CNBD1: variants seen among roughly 807,000 people sequenced by gnomAD.
CNBD1 encodes the protein cyclic nucleotide-binding domain-containing protein 1.
Under a neutral mutation model 54.4 loss-of-function variants are expected in CNBD1, and 71 were observed. The ratio of observed to expected loss-of-function variants is 1.30; its 90% CI spans 1.08 to 1.59. The LOEUF (loss-of-function observed/expected upper bound fraction) is 1.59. Among genes scored for constraint, CNBD1 ranks in the 40% most tolerant of loss-of-function variants. The probability of loss-of-function intolerance (pLI) is 0.00; values close to 1 mark genes in which losing one functional copy is unlikely to be tolerated. For missense variants in CNBD1, 659 were observed against 518.0 expected (o/e 1.27, Z -2.64); for synonymous variants, 182 against 170.7 (o/e 1.07, Z -0.51).
At chr8:87,358,761 A>T (rs1810470841) in intron 10 of CNBD1, among the ~76,000 whole-genome samples, 1 of 152,152 alleles carries the variant, frequency 6.6e-6, no homozygotes, top group Non-Finnish European at 1.5e-5. Flanking sequence ...TCCCAGTGTG[A>T]GGCCAAAGCC....
intron 4 of CNBD1, among the ~76,000 whole-genome samples, chr8:86,999,073 TATC>T (rs1231252822): frequency 6.6e-6 from 1 of 152,244 alleles, no homozygotes; most frequent in African/African-American, 2.4e-5. Flanking sequence ...ATGCCATTGA[TATC>T]ATCAACTTTC....
intron 5 of CNBD1, among the ~76,000 whole-genome samples, chr8:87,217,588 T>TA (rs11441946): frequency 7.2e-6 from 1 of 139,782 alleles, no homozygotes; most frequent in Non-Finnish European, 1.6e-5. Context: ...TTTTTTTTTT[T>TA]AAATAGCCAC....
chr8:87,033,124 C>A (rs56927643), intron 4 of CNBD1, among the ~76,000 whole-genome samples: 4,566 of 152,264 alleles, frequency 0.03, 237 homozygotes, highest in African/African-American at 0.1. Context: ...TTTTAAATAA[C>A]AATGATGGCA....
chr8:87,349,169 GTTAT>G (rs1171313274), intron 8 of CNBD1, among the ~76,000 whole-genome samples: 1 of 152,038 alleles, frequency 6.6e-6, no homozygotes, highest in African/African-American at 2.4e-5. Flanking sequence ...ATCATCGTAT[GTTAT>G]TTGTCATTTT....
At chr8:87,181,983 A>G (rs1197647684) in intron 4 of CNBD1, among the ~76,000 whole-genome samples, 1 of 152,010 alleles carries the variant, frequency 6.6e-6, no homozygotes, top group Non-Finnish European at 1.5e-5. Flanking sequence ...TGTACACATG[A>G]TTTTGTCACC....
At chr8:87,113,902 G>T (rs896449150) in intron 4 of CNBD1, among the ~76,000 whole-genome samples, 1 of 150,968 alleles carries the variant, frequency 6.6e-6, no homozygotes, top group Non-Finnish European at 1.5e-5. Context: ...ATGGGAGACA[G>T]TGAGACTCTG....
intron 4 of CNBD1, among the ~76,000 whole-genome samples, chr8:87,151,899 T>G (rs967345689): frequency 3.3e-5 from 5 of 152,134 alleles, no homozygotes; most frequent in Non-Finnish European, 5.9e-5. Context: ...ACCTTGATAA[T>G]TAGAAAATTT....
chr8:87,059,517 G>A (rs34273020), intron 4 of CNBD1, among the ~76,000 whole-genome samples: 5,652 of 152,266 alleles, frequency 0.037, 123 homozygotes, highest in Middle Eastern at 0.054. Flanking sequence ...GAGCTGGGGA[G>A]GCCTCAGGAA....
rs191074207 is a variant in CNBD1, at chr8:87,411,379, G to A, written c.214-17167G>A. Among the ~76,000 whole-genome samples the A allele has an allele frequency of 4.3e-3, 397 of 92,986 alleles. 3 individuals carry two copies. The highest frequency in any genetic ancestry group is 0.018 in the African/African-American group (379 of 20,894). 61.0% of individuals were successfully genotyped at this position (92,986 alleles called of 152,430 possible). ...GCTTTGCCCAAGCATTTCATAGGCA[G>A]GATTAACCTAGCTATATCATATATA... On this transcript the variant is annotated intron_variant, in intron 2 of 7. Coordinates refer to the CNBD1 transcript ENST00000521593.
chr8:87,409,793 C>T (rs867378635), intron 2 of CNBD1, among the ~76,000 whole-genome samples: 14 of 151,952 alleles, frequency 9.2e-5, no homozygotes, highest in East Asian at 5.8e-4. Context: ...GAGGCTGAAG[C>T]GGGAGGATTG....
chr8:87,199,890 A>T (rs1008818762), intron 4 of CNBD1, among the ~76,000 whole-genome samples: 11 of 152,114 alleles, frequency 7.2e-5, no homozygotes, highest in African/African-American at 2.7e-4. Flanking sequence ...AATGACCAAG[A>T]TGAAAACTAG....
intron 2 of CNBD1, among the ~76,000 whole-genome samples, chr8:87,424,541 G>C (rs1347628136): frequency 6.6e-6 from 1 of 152,196 alleles, no homozygotes; most frequent in East Asian, 1.9e-4. Context: ...GTACCCAGTA[G>C]TCATTCAGGA....
chr8:87,083,958 C>A (rs1811049359), intron 4 of CNBD1, among the ~76,000 whole-genome samples: 1 of 152,156 alleles, frequency 6.6e-6, no homozygotes, highest in South Asian at 2.1e-4. Context: ...AAACAACCTG[C>A]ATCCTGACCA....
At chr8:86,898,262 G>A (rs1220739902) in intron 2 of CNBD1, among the ~76,000 whole-genome samples, 1 of 152,136 alleles carries the variant, frequency 6.6e-6, no homozygotes, top group Non-Finnish European at 1.5e-5. Context: ...GGTTTTCTCT[G>A]AGGGTGGTGA....
chr8:87,165,423 C>G (rs2943163), intron 4 of CNBD1, among the ~76,000 whole-genome samples: 67,195 of 151,658 alleles, frequency 0.44, 15,376 homozygotes, highest in Non-Finnish European at 0.49. Flanking sequence ...GCTTTATATA[C>G]TTAGGTGTTC....
chr8:87,345,429 A>G (rs1314474162), intron 8 of CNBD1, among the ~76,000 whole-genome samples: 1 of 152,144 alleles, frequency 6.6e-6, no homozygotes, highest in Non-Finnish European at 1.5e-5. Flanking sequence ...CCCCTTCTGC[A>G]TAGCCAGAAG....
At chr8:87,361,227 A>T (rs1181125511) in intron 10 of CNBD1, among the ~76,000 whole-genome samples, 1 of 151,962 alleles carries the variant, frequency 6.6e-6, no homozygotes, top group Non-Finnish European at 1.5e-5. Context: ...ATAATTTGTT[A>T]TTCCTTACTA....
intron 5 of CNBD1, among the ~76,000 whole-genome samples, chr8:87,233,949 T>G (rs1202196889): frequency 6.6e-6 from 1 of 152,218 alleles, no homozygotes; most frequent in African/African-American, 2.4e-5. Context: ...ACTAAGTTTA[T>G]GTTACATTCA....
At chr8:87,363,020 C>A (rs556205609) in intron 10 of CNBD1, among the ~76,000 whole-genome samples, 1 of 152,118 alleles carries the variant, frequency 6.6e-6, no homozygotes, top group South Asian at 2.1e-4. Context: ...CCCCACCCAA[C>A]AGGCCCTGGT....
Sources: allele counts gnomAD v4.1 joint callset (sites outside exome capture counted in the v4.1 genomes callset), GRCh38; gene constraint gnomAD v4.1.1; transcripts MANE v1.5; gene names NCBI Gene and HGNC (gene_info 2026-07-23, HGNC 2026-07-21).